ARB2A: variants seen among roughly 807,000 people sequenced by gnomAD.
The protein encoded by ARB2A is ARB2 cotranscriptional regulator A, also known as cotranscriptional regulator ARB2A.
the ARB2A span, among the ~76,000 whole-genome samples, chr5:93,835,101 T>C: frequency 1.1e-4 from 16 of 152,240 alleles, no homozygotes; most frequent in Non-Finnish European, 5.9e-5. Flanking sequence ...AGAATTCTGC[T>C]ACATTCAGAA....
chr5:93,866,204 G>T, the ARB2A span: 1 of 985,244 alleles, frequency 1.0e-6, no homozygotes, highest in Non-Finnish European at 1.2e-6. Context: ...AATTTCTGAG[G>T]GAATTTTTTC....
the ARB2A span, among the ~76,000 whole-genome samples, chr5:93,936,612 G>A: frequency 6.6e-6 from 1 of 152,116 alleles, no homozygotes; most frequent in African/African-American, 2.4e-5. Context: ...TAATTGTTGA[G>A]TATGGCCACT....
At chr5:93,926,732 G>A in the ARB2A span, among the ~76,000 whole-genome samples, 6 of 151,608 alleles carry the variant, frequency 4.0e-5, no homozygotes, top group African/African-American at 1.2e-4. Flanking sequence ...AAATGAGGAC[G>A]TTAATACCAT....
the ARB2A span, among the ~76,000 whole-genome samples, chr5:93,979,213 T>C: frequency 6.6e-6 from 1 of 152,126 alleles, no homozygotes; most frequent in African/African-American, 2.4e-5. Flanking sequence ...AACAGACCAA[T>C]TGCAATTGGT....
At chr5:94,042,314 CTTTTTT>C in the ARB2A span, among the ~76,000 whole-genome samples, 1 of 103,068 alleles carries the variant, frequency 9.7e-6, no homozygotes, top group African/African-American at 3.7e-5. Flanking sequence ...AAAAGATCAG[CTTTTTT>C]TTTTTTTTTT....
chr5:93,747,186 C>CA, the ARB2A span, among the ~76,000 whole-genome samples: 1 of 152,070 alleles, frequency 6.6e-6, no homozygotes, highest in Non-Finnish European at 1.5e-5. Context: ...GATATGGACT[C>CA]AGAGAAGTAC....
chr5:93,958,290 A>C, the ARB2A span, among the ~76,000 whole-genome samples: 8 of 152,190 alleles, frequency 5.3e-5, no homozygotes, highest in South Asian at 1.7e-3. Context: ...GAAACGACAA[A>C]AAAATTTAGT....
At chr5:93,714,757 T>C in the ARB2A span, among the ~76,000 whole-genome samples, 1 of 152,320 alleles carries the variant, frequency 6.6e-6, no homozygotes, top group East Asian at 1.9e-4. Flanking sequence ...CATAGTCTCC[T>C]GGTCACCTGC....
At chr5:93,830,639 T>G in the ARB2A span, among the ~76,000 whole-genome samples, 2 of 151,964 alleles carry the variant, frequency 1.3e-5, no homozygotes, top group African/African-American at 4.8e-5. Context: ...GGGATCCTAT[T>G]TGTCTCATTC....
the ARB2A span, among the ~76,000 whole-genome samples, chr5:94,080,434 C>G: frequency 6.6e-6 from 1 of 152,084 alleles, no homozygotes; most frequent in African/African-American, 2.4e-5. Flanking sequence ...AAACATTCTC[C>G]CAGAATCTCT....
At chr5:93,956,016 C>T in the ARB2A span, among the ~76,000 whole-genome samples, 2 of 152,172 alleles carry the variant, frequency 1.3e-5, no homozygotes, top group Admixed American at 6.5e-5. Context: ...TGGTACTTGG[C>T]TACGTGAAAC....
chr5:93,908,695 A>G, the ARB2A span, among the ~76,000 whole-genome samples: 204 of 151,080 alleles, frequency 1.4e-3, no homozygotes, highest in South Asian at 2.3e-3. Flanking sequence ...CAATTTCTAC[A>G]AAGGTTACTT....
At chr5:93,699,451 A>T in the ARB2A span, among the ~76,000 whole-genome samples, 1 of 152,152 alleles carries the variant, frequency 6.6e-6, no homozygotes, top group Non-Finnish European at 1.5e-5. Flanking sequence ...TGAACTTCTG[A>T]CACTGGTATT....
the ARB2A span, among the ~76,000 whole-genome samples, chr5:93,943,894 A>C: frequency 6.6e-6 from 1 of 152,242 alleles, no homozygotes; most frequent in Admixed American, 6.5e-5. Context: ...AAAAGAATCA[A>C]AACATTAATG....
At chr5:94,048,993 C>A in the ARB2A span, among the ~76,000 whole-genome samples, 1 of 152,124 alleles carries the variant, frequency 6.6e-6, no homozygotes, top group African/African-American at 2.4e-5. Flanking sequence ...ACCATATATT[C>A]TTTATGTGAT....
At chr5:93,649,575 A>T in the ARB2A span, among the ~76,000 whole-genome samples, 3 of 152,364 alleles carry the variant, frequency 2.0e-5, no homozygotes, top group South Asian at 6.2e-4. Flanking sequence ...AATAACTCCA[A>T]ATCTGTGTAT....
At chr5:93,626,613 C>T in the ARB2A span, among the ~76,000 whole-genome samples, 8 of 152,282 alleles carry the variant, frequency 5.3e-5, no homozygotes, top group Non-Finnish European at 1.0e-4. Context: ...TTACACTATG[C>T]TCCAGTCTAC....
chr5:93,978,615 G>A, the ARB2A span, among the ~76,000 whole-genome samples: 1 of 151,982 alleles, frequency 6.6e-6, no homozygotes, highest in Non-Finnish European at 1.5e-5. Context: ...GAATGCAAAA[G>A]TAGGCAGGGA....
the ARB2A span, among the ~76,000 whole-genome samples, chr5:94,058,491 T>G: frequency 6.6e-6 from 1 of 152,058 alleles, no homozygotes; most frequent in Non-Finnish European, 1.5e-5. Context: ...AAAAAAATGT[T>G]TAATCATTAA....
Sources: gnomAD v4.1 joint callset for allele counts (sites outside exome capture counted in the v4.1 genomes callset) on GRCh38, gnomAD v4.1.1 for gene constraint, MANE v1.5 for transcripts, NCBI Gene and HGNC (gene_info 2026-07-23, HGNC 2026-07-21) for gene names.